Variants in BANP observed in about 807,000 individuals in gnomAD.
BANP encodes the protein protein BANP.
BANP carries 11 observed loss-of-function variants against 68.1 expected under a neutral mutation model. The ratio of observed to expected loss-of-function variants is 0.16; its 90% confidence interval spans 0.10 to 0.27. The LOEUF (loss-of-function observed/expected upper bound fraction) is 0.27. BANP is among the 10% of genes least tolerant of loss of function. The pLI is 1.00. For synonymous variants in BANP, 329 were observed against 303.2 expected, an observed-to-expected ratio of 1.09 and a Z score of -0.88; for missense variants, 504 against 722.7, an observed-to-expected ratio of 0.70 and a Z score of 3.47.
At chr16:87,953,396 A>T (rs1292311253) in intron 1 of BANP, among the ~76,000 whole-genome samples, 1 of 151,952 alleles carries the variant, frequency 6.6e-6, no homozygotes, top group South Asian at 2.1e-4. Context: ...TTTTCTTGAG[A>T]TAGGATCCCC....
rs1299315810 is a variant in BANP at position 88,071,303 on chromosome 16, G to T, written c.1378-766G>T. ...CAGGGCTGGGGCTGCCCACCCGCCT[G>T]CCTGGGCCGTCTTGACACCGGAGCT... On this transcript the variant is annotated intron_variant, in intron 12 of 13. Coordinates refer to ENST00000682872, the MANE Select transcript of BANP (RefSeq NM_001386991.1). The surrounding 1 kb of genome is among the most constrained non-coding windows in gnomAD (Gnocchi z 6.5). 8.2e-6 allele frequency: 3 copies of T among 366,698 alleles called. No individual in the cohort carries two copies. In the East Asian group the frequency reaches 2.2e-4, roughly 27 times the overall value. 22.7% of individuals were successfully genotyped at this position (366,698 alleles called of 1,614,324 possible). A position where few individuals can be genotyped will look rare whatever the true frequency, so the allele number is the denominator to read the frequency against.
chr16:87,974,313 C>T (rs2061639714), intron 1 of BANP, among the ~76,000 whole-genome samples: 1 of 152,160 alleles, frequency 6.6e-6, no homozygotes, highest in South Asian at 2.1e-4. Flanking sequence ...ATCAGAGTGT[C>T]ACAGGAGCTG....
At chr16:87,964,915 T>A (rs1181156996) in intron 1 of BANP, among the ~76,000 whole-genome samples, 1 of 152,014 alleles carries the variant, frequency 6.6e-6, no homozygotes, top group African/African-American at 2.4e-5. Context: ...GGGGCTCAGT[T>A]TGGACATGTT....
chr16:88,040,564 C>T (rs372345776), intron 11 of BANP, among the ~76,000 whole-genome samples: 1 of 151,684 alleles, frequency 6.6e-6, no homozygotes, highest in African/African-American at 2.4e-5. Context: ...CCGAGCAGTG[C>T]GGGGGTCACA....
intron 8 of BANP, among the ~76,000 whole-genome samples, chr16:88,028,421 C>G (rs1210223618): frequency 6.6e-6 from 1 of 152,200 alleles, no homozygotes; most frequent in Non-Finnish European, 1.5e-5. Flanking sequence ...CTCCCGGGGC[C>G]TGGTTCTTTC....
Position 88,004,518 on chromosome 16 carries a change from CTG to C in BANP, c.479+110_479+111del, listed in dbSNP as rs1310480158. ...GCACAGTCCAGCACACGCTTCATCT[CTG>C]TGGTCACAGGGTTGAGCCTGGCAGG... On this transcript the variant is annotated intron_variant, in intron 5 of 13. Transcript: ENST00000682872. This position sits in a 1 kb window ranked among gnomAD's most constrained non-coding sequence, Gnocchi z 7.0. 3 of 668,326 alleles carry C rather than the reference CTG, an allele frequency of 4.5e-6. No homozygotes were observed. Among genetic ancestry groups the C allele is most frequent in the African/African-American group, 1.9e-5 (1 of 53,580 alleles). 41.4% of individuals were successfully genotyped at this position (668,326 alleles called of 1,614,324 possible).
At chr16:88,027,983 G>A (rs1211955206) in intron 8 of BANP, among the ~76,000 whole-genome samples, 1 of 152,254 alleles carries the variant, frequency 6.6e-6, no homozygotes, top group Non-Finnish European at 1.5e-5. Flanking sequence ...TTTGCCGGGT[G>A]ACTCCGGGTG....
At chr16:87,962,739 G>A (rs192750586) in intron 1 of BANP, among the ~76,000 whole-genome samples, 5 of 152,256 alleles carry the variant, frequency 3.3e-5, no homozygotes, top group Admixed American at 6.5e-5. Flanking sequence ...GGGAGCCGTC[G>A]GGAGAAGTGT....
chr16:88,066,753 G>A (rs910742770), intron 12 of BANP, among the ~76,000 whole-genome samples: 76 of 152,164 alleles, frequency 5.0e-4, no homozygotes, highest in Non-Finnish European at 2.9e-5. Flanking sequence ...CCCCAGAAAG[G>A]TGCCAAACCT....
intron 11 of BANP, among the ~76,000 whole-genome samples, chr16:88,049,377 G>C (rs1208381015): frequency 6.6e-6 from 1 of 152,192 alleles, no homozygotes; most frequent in East Asian, 1.9e-4. Context: ...GGGGGAAGGG[G>C]CACAGAGCTT....
At chr16:88,075,746 CT>C (rs34974822) in intron 13 of BANP, among the ~76,000 whole-genome samples, 104 of 120,896 alleles carry the variant, frequency 8.6e-4, no homozygotes, top group African/African-American at 2.1e-3. Flanking sequence ...TTTTCCTTTA[CT>C]TTTTTTTTTT....
At chr16:87,963,514 C>CGCGG (rs964568863) in intron 1 of BANP, 1 of 152,198 alleles carries the variant, frequency 6.6e-6, no homozygotes, top group African/African-American at 2.4e-5. Flanking sequence ...GTCAGAGCCC[C>CGCGG]GCTCTGGGAG....
At chr16:88,060,742 C>T (rs757392365) in intron 11 of BANP, among the ~76,000 whole-genome samples, 2 of 152,092 alleles carry the variant, frequency 1.3e-5, no homozygotes, top group Non-Finnish European at 2.9e-5. Context: ...CCGGGCTCCC[C>T]GACCTGCCCT....
chr16:88,020,961 T>C (rs2075922364), intron 7 of BANP, among the ~76,000 whole-genome samples: 1 of 152,188 alleles, frequency 6.6e-6, no homozygotes, highest in African/African-American at 2.4e-5. Flanking sequence ...GGAGTCCATG[T>C]AGGGCGGTGG....
intron 13 of BANP, among the ~76,000 whole-genome samples, chr16:88,076,223 G>T (rs2091570705): frequency 6.6e-6 from 1 of 152,206 alleles, no homozygotes. Context: ...GAAGCTTCAG[G>T]GAAATATCTT....
intron 2 of BANP, chr16:87,978,801 A>C: frequency 2.7e-6 from 1 of 364,232 alleles, no homozygotes. Context: ...TAGAACCCCA[A>C]CCCTCCCAGG....
intron 4 of BANP, among the ~76,000 whole-genome samples, chr16:87,993,249 G>A (rs991854513): frequency 2.0e-5 from 3 of 152,216 alleles, no homozygotes; most frequent in Non-Finnish European, 1.5e-5. Context: ...GACTCTTTCA[G>A]CTTTCATCCT....
chr16:87,951,332 T>A (rs561803943), upstream of BANP: 50 of 152,004 alleles, frequency 3.3e-4, no homozygotes, highest in African/African-American at 1.2e-3. Flanking sequence ...GCAGCTGGCC[T>A]CACTGCCACA....
intron 11 of BANP, among the ~76,000 whole-genome samples, chr16:88,047,363 T>C (rs946606469): frequency 2.6e-5 from 4 of 152,036 alleles, no homozygotes; most frequent in African/African-American, 9.7e-5. Context: ...GTAGTGAGAG[T>C]GTCAGTCAAG....
Sources: allele counts gnomAD v4.1 joint callset (sites outside exome capture counted in the v4.1 genomes callset), GRCh38; gene constraint gnomAD v4.1.1; non-coding constraint Gnocchi (gnomAD v3.1); transcripts MANE v1.5; gene names NCBI Gene and HGNC (gene_info 2026-07-23, HGNC 2026-07-21).